The following ASPM variants were observed in gnomAD, a reference collection of about 807,000 sequenced individuals.
The protein encoded by ASPM is assembly factor for spindle microtubules.
ASPM carries 256 observed loss-of-function variants against 366.4 expected under a neutral mutation model. That is an observed-to-expected ratio of 0.70 (90% CI 0.63 to 0.77). The LOEUF is 0.77. Among genes scored for constraint, ASPM ranks in the 30% least tolerant of loss-of-function variants. The probability of loss-of-function intolerance (pLI) is 0.00; values close to 1 mark genes in which losing one functional copy is unlikely to be tolerated. For synonymous variants in ASPM, 1,414 were observed against 1,342.9 expected, an observed-to-expected ratio of 1.05 and a Z score of -1.16; for missense variants, 4,146 against 4,090.4, an observed-to-expected ratio of 1.01 and a Z score of -0.37.
Position 197,086,970 on chromosome 1 carries a change from A to C in ASPM, c.10164T>G (p.Asp3388Glu), listed in dbSNP as rs907213877. 6.8e-6 allele frequency: 11 copies of C among 1,606,334 alleles called. No homozygotes were observed. Among genetic ancestry groups the C allele is most frequent in the Non-Finnish European group, 8.5e-6 (10 of 1,178,440 alleles). ...ILLKTTNRAS[D>E]VRSRSKVVDR... Reference sequence around the variant, plus strand: ...CAACAACTTTGGACCTACTTCGTACATCCTACAAAATAAAATGCACAGTTA... The same window carrying C: ...CAACAACTTTGGACCTACTTCGTACCTCCTACAAAATAAAATGCACAGTTA... The change falls in exon 27 of 28, where the codon GAT (aspartate) becomes GAG (glutamate). Residue 3388 changes from aspartate (D) to glutamate (E), a missense_variant and splice_region_variant. This residue lies in a region of ASPM where 3,624 missense variants were observed against 3,591.7 expected (regional missense o/e 1.01). Coordinates refer to ENST00000367409, the MANE Select transcript of ASPM (RefSeq NM_018136.5).
Position 197,117,716 on chromosome 1 carries a change from T to C in ASPM, c.4065+73A>G, listed in dbSNP as rs115716898. ...TAAAATATAATCATTGAAAACTTCA[T>C]CACATTTTGCCTTCTTACTTAAAAA... On this transcript the variant is annotated intron_variant, in intron 17 of 27. Coordinates refer to ENST00000367409, the MANE Select transcript of ASPM (RefSeq NM_018136.5). 1.5e-3 allele frequency: 1,969 copies of C among 1,284,942 alleles called. 12 individuals are homozygous for C. The African/African-American group carries it at 0.023, about 15-fold the overall frequency. 79.6% of individuals were successfully genotyped at this position (1,284,942 alleles called of 1,614,324 possible).
intron 3 of ASPM, 140 bp downstream of exon 3, chr1:197,142,191 G>T: frequency 1.1e-6 from 1 of 880,928 alleles, no homozygotes; most frequent in Non-Finnish European, 1.8e-6. Context: ...CACATAAGCT[G>T]TATTCACATT....
chr1:197,098,162 A>C (rs1006938066), intron 18 of ASPM, among the ~76,000 whole-genome samples: 4 of 149,778 alleles, frequency 2.7e-5, no homozygotes, highest in African/African-American at 9.7e-5. Context: ...AGTGTGCTTA[A>C]ATCCCAAATG....
chr1:197,133,113 C>G (rs1020553295), intron 6 of ASPM, among the ~76,000 whole-genome samples: 2 of 152,098 alleles, frequency 1.3e-5, no homozygotes, highest in African/African-American at 2.4e-5. Context: ...GAGAGTACTT[C>G]TTAAATGTTT....
rs1420975976 is a variant in ASPM at position 197,102,994 on chromosome 1, T to C, written c.6257A>G (p.Gln2086Arg). Residue 2086 changes from glutamine (Q) to arginine (R), a missense_variant, in exon 18 of 28, where the codon CAG (glutamine) becomes CGG (arginine). Physicochemically the swap from Gln to Arg is conservative, Grantham distance 43. Around this residue, in one of 3 missense-constraint regions of ASPM, gnomAD observed 3,624 missense variants for 3,591.7 expected, o/e 1.01. Transcript: ENST00000367409. Reference sequence around the variant, plus strand: ...CTTCAAATTAAGATACTCCTTATGCTGATGGTTTGTAATTTTAATACCTCG... The same window carrying C: ...CTTCAAATTAAGATACTCCTTATGCCGATGGTTTGTAATTTTAATACCTCG... ...WYRGIKITNH[Q>R]HKEYLNLKKT... The C allele has an allele frequency of 1.9e-6, 3 of 1,612,298 alleles. No homozygotes were observed. Among genetic ancestry groups the C allele is most frequent in the Non-Finnish European group, 2.5e-6 (3 of 1,179,100 alleles).
At chr1:197,128,770 TAA>T (rs545365351) in intron 9 of ASPM, 105 bp from the exon 10 acceptor site, 10,135 of 878,118 alleles carry the variant, frequency 0.012, 124 homozygotes, top group Non-Finnish European at 0.013. Context: ...TAAAATAATA[TAA>T]AAAGTTTCAT....
At chr1:197,136,231 A>T (rs1658416462) in intron 4 of ASPM, among the ~76,000 whole-genome samples, 1 of 152,226 alleles carries the variant, frequency 6.6e-6, no homozygotes, top group South Asian at 2.1e-4. Flanking sequence ...TTTGCCATAC[A>T]AGAAGCATTA....
chr1:197,104,765 T>G lies in ASPM; in HGVS notation c.4486A>C (p.Lys1496Gln). Residue 1496 changes from lysine to glutamine, a missense_variant, in exon 18 of 28, where the codon AAA (lysine) becomes CAA (glutamine). By Grantham distance (53) the Lys-to-Gln change is moderately conservative. Around this residue, in one of 3 missense-constraint regions of ASPM, gnomAD observed 3,624 missense variants for 3,591.7 expected, o/e 1.01. Transcript: ENST00000367409. ...TGGGCTTGAAAGCACCGAAATCTTT[T>G]CTGAATGATAACAACACAAGATCTA... is the stretch of plus-strand genomic sequence containing the variant. Reference protein sequence around the residue: ...YIRSCVVIIQKRFRCFQAQKL... With the variant: ...YIRSCVVIIQQRFRCFQAQKL... 2 of 1,599,130 alleles carry G rather than the reference T, an allele frequency of 1.3e-6. No homozygotes were observed. The highest frequency in any genetic ancestry group is 1.7e-6 in the Non-Finnish European group (2 of 1,174,310).
intron 3 of ASPM, among the ~76,000 whole-genome samples, chr1:197,140,443 GC>G (rs1447578502): frequency 1.3e-5 from 2 of 152,184 alleles, no homozygotes; most frequent in Non-Finnish European, 1.5e-5. Context: ...AATACTTTGT[GC>G]CAGGCACTAT....
At chr1:197,140,940 T>C (rs1182721985) in intron 3 of ASPM, among the ~76,000 whole-genome samples, 2 of 152,128 alleles carry the variant, frequency 1.3e-5, no homozygotes, top group Non-Finnish European at 2.9e-5. Context: ...ACCAAGATGG[T>C]TGATATAATG....
At position 197,093,208 on chromosome 1, in the gene ASPM, C is replaced by T. The variant is rs749481303; in HGVS notation, c.9138G>A (p.Arg3046=). Residue 3046 remains arginine, a synonymous_variant, in exon 21 of 28, where the codon AGG becomes AGA. Transcript: ENST00000367409. ...IQAHYRGYKG[R]QVFLRQKSAA... The stretch of plus-strand genomic sequence containing the variant: ...CAGATTTCTGCCGAAGAAAGACCTG[C>T]CTTCCTTTATATCCTCTATAATGTG... The T allele has an allele frequency of 6.2e-7, 1 of 1,612,588 alleles. No individual in the cohort carries two copies. The highest frequency in any genetic ancestry group is 1.1e-5 in the South Asian group (1 of 91,062).
rs1657346244 is a variant in ASPM, at chr1:197,104,638, C to T, written c.4613G>A (p.Arg1538Gln). The T allele has an allele frequency of 3.7e-6, 6 of 1,612,920 alleles. No individual in the cohort carries two copies. The highest frequency in any genetic ancestry group is 4.5e-5 in the East Asian group (2 of 44,820). Residue 1538 changes from arginine (R) to glutamine (Q), a missense_variant, in exon 18 of 28, where the codon CGA (arginine) becomes CAA (glutamine). By Grantham distance (43) the Arg-to-Gln change is conservative. This residue lies in a region of ASPM where 3,624 missense variants were observed against 3,591.7 expected (regional missense o/e 1.01). Transcript: ENST00000367409. ...AGCTTGTAATTGAATGGCTGCAGCT[C>T]GTTTCTGCAAATAGTTGGTGCGCTC... ...KIERTNYLQK[R>Q]AAAIQLQAAF...
chr1:197,119,032 T>C (rs1407955261), intron 16 of ASPM, among the ~76,000 whole-genome samples: 1 of 152,102 alleles, frequency 6.6e-6, no homozygotes, highest in Admixed American at 6.6e-5. Context: ...TTAATAACAA[T>C]CAGTGGTTGG....
intron 25 of ASPM, 93 bp downstream of exon 25, chr1:197,089,837 G>T (rs757677655): frequency 5.4e-4 from 654 of 1,215,148 alleles, no homozygotes; most frequent in Non-Finnish European, 7.1e-4. Context: ...TTAACTTAGA[G>T]ATTTAAGCCC....
intron 18 of ASPM, among the ~76,000 whole-genome samples, chr1:197,098,696 T>TTGATACCATTAA (rs1657060620): frequency 6.6e-6 from 1 of 151,660 alleles, no homozygotes; most frequent in Non-Finnish European, 1.5e-5. Context: ...CCTTGTTGGC[T>TTGATACCATTAA]TCTCTTGTCA....
intron 23 of ASPM, 43 bp from the exon 24 acceptor site, chr1:197,090,431 G>T: frequency 6.9e-7 from 1 of 1,440,502 alleles, no homozygotes; most frequent in Non-Finnish European, 9.6e-7. Context: ...TATAGCCAAT[G>T]TTTTCTATTT....
In ASPM at chr1:197,101,182, C is replaced by A. The variant is rs191126815; in HGVS notation, c.8069G>T (p.Arg2690Leu). 6 of 1,612,308 alleles carry A rather than the reference C, an allele frequency of 3.7e-6. No homozygotes were observed. The highest frequency in any genetic ancestry group is 5.1e-6 in the Non-Finnish European group (6 of 1,179,078). Residue 2690 changes from arginine to leucine, a missense_variant, in exon 18 of 28, where the codon CGG becomes CTG. Around this residue, in one of 3 missense-constraint regions of ASPM, gnomAD observed 3,624 missense variants for 3,591.7 expected, o/e 1.01. Transcript: ENST00000367409. ...KVRKDIQNMH[R>L]AATLIQSFYR... is the part of the protein sequence containing the mutation. Reference sequence around the variant, plus strand: ...GAATGACTGAATTAGTGTGGCAGCCCGGTGCATATTTTGAATATCCTTTCG... The same window carrying A: ...GAATGACTGAATTAGTGTGGCAGCCAGGTGCATATTTTGAATATCCTTTCG...
At chr1:197,089,902 A>C in intron 25 of ASPM, 28 bp downstream of exon 25, 1 of 1,604,710 alleles carries the variant, frequency 6.2e-7, no homozygotes, top group Non-Finnish European at 8.5e-7. Context: ...TGACCAGTGA[A>C]TATCTCATTA....
At chr1:197,125,627 G>A (rs1293462116) in intron 10 of ASPM, among the ~76,000 whole-genome samples, 4 of 152,036 alleles carry the variant, frequency 2.6e-5, no homozygotes, top group Non-Finnish European at 5.9e-5. Flanking sequence ...GTTAGATAAA[G>A]AAACTAAGGC....
Sources: allele counts gnomAD v4.1 joint callset (sites outside exome capture counted in the v4.1 genomes callset), GRCh38; gene constraint gnomAD v4.1.1; regional missense constraint gnomAD v4.1.1; transcripts MANE v1.5; gene names NCBI Gene and HGNC (gene_info 2026-07-23, HGNC 2026-07-21).